Variants in SLC20A2 observed in about 807,000 individuals in gnomAD.
The protein encoded by SLC20A2 is sodium-dependent phosphate transporter 2.
In SLC20A2, 30 loss-of-function variants were observed where a neutral mutation model predicts 61.0. The observed-to-expected ratio is 0.49, with a 90% CI of 0.37 to 0.67. SLC20A2 has a LOEUF of 0.67. Ranked by LOEUF, SLC20A2 falls within the 30% of genes least tolerant of loss-of-function variation. The probability of loss-of-function intolerance (pLI) is 0.00; values close to 1 mark genes in which losing one functional copy is unlikely to be tolerated. For synonymous variants in SLC20A2, 351 were observed against 353.3 expected, an observed-to-expected ratio of 0.99 and a Z score of 0.07; for missense variants, 626 against 866.4, an observed-to-expected ratio of 0.72 and a Z score of 3.48.
intron 9 of SLC20A2, among the ~76,000 whole-genome samples, chr8:42,429,258 A>AGAAGTT (rs1585999009): frequency 6.6e-6 from 1 of 152,230 alleles, no homozygotes; most frequent in East Asian, 1.9e-4. Flanking sequence ...ACTATCTTTT[A>AGAAGTT]TTGAAATGAA....
At chr8:42,429,220 C>T (rs963268626) in intron 9 of SLC20A2, among the ~76,000 whole-genome samples, 4 of 152,130 alleles carry the variant, frequency 2.6e-5, no homozygotes, top group Admixed American at 6.5e-5. Context: ...TCTCGGATTA[C>T]GAATTTTTCT....
intron 1 of SLC20A2, among the ~76,000 whole-genome samples, chr8:42,496,845 G>A (rs1478459108): frequency 6.6e-6 from 1 of 152,140 alleles, no homozygotes; most frequent in African/African-American, 2.4e-5. Context: ...AGACAGGGAC[G>A]GACCAACCTG....
intron 10 of SLC20A2, among the ~76,000 whole-genome samples, chr8:42,421,461 T>C (rs1803032309): frequency 1.3e-5 from 2 of 152,246 alleles, no homozygotes; most frequent in Non-Finnish European, 2.9e-5. Flanking sequence ...GATTTTTCTA[T>C]TTTTACCTTG....
In SLC20A2 at chr8:42,446,284, G is replaced by A. The variant is rs1456105789; in HGVS notation, c.614-1522C>T. Among the ~76,000 whole-genome samples, 2 of 152,228 alleles carry A rather than the reference G, an allele frequency of 1.3e-5. 1 individual carries two copies. The highest frequency in any genetic ancestry group is 2.9e-5 in the Non-Finnish European group (2 of 68,048). ...AAGGGTGGAAGTGCACATGGTTTGA[G>A]AACGTCATCTTTTCATAGCACTGTC... On this transcript the variant is annotated intron_variant, in intron 5 of 10. Coordinates refer to ENST00000520262, the MANE Select transcript of SLC20A2 (RefSeq NM_001257180.2).
At chr8:42,524,541 A>G (rs951379886) in intron 1 of SLC20A2, among the ~76,000 whole-genome samples, 21 of 152,114 alleles carry the variant, frequency 1.4e-4, no homozygotes, top group Admixed American at 5.2e-4. Context: ...TAATCCCAGC[A>G]TTTTAGGAGG....
At chr8:42,434,380 C>T (rs1214653063) in intron 8 of SLC20A2, among the ~76,000 whole-genome samples, 2 of 150,664 alleles carry the variant, frequency 1.3e-5, no homozygotes, top group Non-Finnish European at 3.0e-5. Context: ...AGCCACCACA[C>T]CCGGCCTATT....
At position 42,486,077 on chromosome 8, in the gene SLC20A2, G is replaced by A. The variant is rs527686012; in HGVS notation, c.-264-13423C>T. Reference sequence around the variant, plus strand: ...TTTAAATTAGTTAAGAAAGAAAAACGAATATGTAATTATATTGTCTTTTAT... The same window carrying A: ...TTTAAATTAGTTAAGAAAGAAAAACAAATATGTAATTATATTGTCTTTTAT... On this transcript the variant is annotated intron_variant, in intron 1 of 10. Transcript: ENST00000520262. 1.1e-4 allele frequency among the ~76,000 whole-genome samples: 16 copies of A among 151,996 alleles called. No homozygotes were observed. The East Asian group carries it at 2.1e-3, about 20-fold the overall frequency.
chr8:42,484,864 T>C, intron 1 of SLC20A2: 1 of 371,720 alleles, frequency 2.7e-6, no homozygotes, highest in South Asian at 2.2e-5. Flanking sequence ...CTTGCTGGTC[T>C]ACACGCAGCC....
chr8:42,463,792 C>T (rs1191038016), intron 3 of SLC20A2, among the ~76,000 whole-genome samples: 1 of 152,092 alleles, frequency 6.6e-6, no homozygotes, highest in Non-Finnish European at 1.5e-5. Flanking sequence ...GTGGTTTGTG[C>T]CCCTGCCTGG....
chr8:42,467,786 G>A (rs565328417), intron 2 of SLC20A2, among the ~76,000 whole-genome samples: 2 of 152,310 alleles, frequency 1.3e-5, no homozygotes, highest in African/African-American at 4.8e-5. Context: ...GCCTACCCGC[G>A]GACACCTCCT....
At chr8:42,431,008 T>A (rs1049227949) in intron 8 of SLC20A2, among the ~76,000 whole-genome samples, 1 of 152,222 alleles carries the variant, frequency 6.6e-6, no homozygotes, top group African/African-American at 2.4e-5. Flanking sequence ...GATATTGCTA[T>A]ATTGAAATTA....
chr8:42,509,215 G>C (rs7820056), intron 1 of SLC20A2, among the ~76,000 whole-genome samples: 3,232 of 152,304 alleles, frequency 0.021, 109 homozygotes, highest in African/African-American at 0.072. Flanking sequence ...TTATCACCAA[G>C]AACAGTACCT....
chr8:42,471,468 G>A lies in SLC20A2; in HGVS notation c.289+634C>T, dbSNP rs370704048. 9.9e-5 allele frequency among the ~76,000 whole-genome samples: 15 copies of A among 152,130 alleles called. No homozygotes were observed. In the East Asian group the frequency reaches 1.9e-3, roughly 20 times the overall value. The stretch of plus-strand genomic sequence containing the variant: ...GCAACACGCACATTATTTTTTGGCC[G>A]GAAAACAAAACAAACATACCAAATG... On this transcript the variant is annotated intron_variant, in intron 2 of 10. Coordinates refer to ENST00000520262, the MANE Select transcript of SLC20A2 (RefSeq NM_001257180.2).
intron 1 of SLC20A2, among the ~76,000 whole-genome samples, chr8:42,524,558 C>T (rs1811796023): frequency 1.3e-5 from 2 of 151,902 alleles, no homozygotes; most frequent in African/African-American, 4.8e-5. Context: ...GAGGCCGAGT[C>T]GGGCAGATCA....
chr8:42,483,366 C>T (rs141276241), intron 1 of SLC20A2, among the ~76,000 whole-genome samples: 343 of 152,270 alleles, frequency 2.3e-3, no homozygotes, highest in Non-Finnish European at 3.2e-3. Context: ...AGCAAAACTC[C>T]GTCTTAAAAA....
chr8:42,473,916 A>G (rs1041500321), intron 1 of SLC20A2, among the ~76,000 whole-genome samples: 1 of 152,216 alleles, frequency 6.6e-6, no homozygotes, highest in Admixed American at 6.5e-5. Flanking sequence ...CACGCCTATA[A>G]TCTCAGAACT....
intron 7 of SLC20A2, among the ~76,000 whole-genome samples, chr8:42,438,394 A>T (rs1804512915): frequency 6.6e-6 from 1 of 151,962 alleles, no homozygotes; most frequent in Non-Finnish European, 1.5e-5. Context: ...GCTCACTCCA[A>T]CTCCTGGGCT....
At chr8:42,490,503 G>A (rs1444646604) in intron 1 of SLC20A2, among the ~76,000 whole-genome samples, 6 of 152,082 alleles carry the variant, frequency 3.9e-5, no homozygotes, top group South Asian at 2.1e-4. Flanking sequence ...AGGCTGAGGC[G>A]GGAGAATTGT....
intron 1 of SLC20A2, among the ~76,000 whole-genome samples, chr8:42,494,049 G>A (rs1301831959): frequency 1.3e-5 from 2 of 152,148 alleles, no homozygotes; most frequent in Admixed American, 6.6e-5. Flanking sequence ...AGGCTGAGTT[G>A]GGAGGATCGC....
Sources: gnomAD v4.1 joint callset for allele counts (sites outside exome capture counted in the v4.1 genomes callset) on GRCh38, gnomAD v4.1.1 for gene constraint, MANE v1.5 for transcripts, NCBI Gene and HGNC (gene_info 2026-07-23, HGNC 2026-07-21) for gene names.